The following PEX7 variants were observed in gnomAD, a reference collection of about 807,000 sequenced individuals.
PEX7 encodes PTS2 receptor.
Under a neutral mutation model 47.5 loss-of-function variants are expected in PEX7, and 34 were observed. The ratio of observed to expected loss-of-function variants is 0.72; its 90% confidence interval spans 0.54 to 0.95. The LOEUF is 0.95. Among genes scored for constraint, PEX7 ranks in the 40% least tolerant of loss-of-function variants. The probability of loss-of-function intolerance (pLI) is 0.00; values close to 1 mark genes in which losing one functional copy is unlikely to be tolerated. For missense variants in PEX7, 394 were observed against 400.3 expected (o/e 0.98, Z 0.13); for synonymous variants, 141 against 148.8 (o/e 0.95, Z 0.38).
At chr6:136,858,426 G>T (rs976130506) in intron 5 of PEX7, among the ~76,000 whole-genome samples, 21 of 152,146 alleles carry the variant, frequency 1.4e-4, no homozygotes, top group Non-Finnish European at 1.5e-5. Flanking sequence ...CTAGGTAGAC[G>T]CTGGAAAGCA....
chr6:136,875,734 G>C (rs1394537675), intron 8 of PEX7, among the ~76,000 whole-genome samples: 2 of 152,124 alleles, frequency 1.3e-5, no homozygotes, highest in Non-Finnish European at 2.9e-5. Flanking sequence ...GTCTGAGAAT[G>C]GTATGTTACT....
At chr6:136,874,061 A>G (rs962407690) in intron 8 of PEX7, among the ~76,000 whole-genome samples, 7 of 152,190 alleles carry the variant, frequency 4.6e-5, no homozygotes, top group Non-Finnish European at 7.3e-5. Flanking sequence ...TTCAAAGGTG[A>G]TATTAGTTGC....
chr6:136,877,717 C>T (rs750882814), intron 8 of PEX7, among the ~76,000 whole-genome samples: 6 of 152,144 alleles, frequency 3.9e-5, no homozygotes, highest in Non-Finnish European at 8.8e-5. Context: ...ATTGCTGTAG[C>T]CTTGTAGTAT....
intron 1 of PEX7, among the ~76,000 whole-genome samples, chr6:136,824,295 G>A (rs1368446413): frequency 6.6e-6 from 1 of 151,926 alleles, no homozygotes; most frequent in Non-Finnish European, 1.5e-5. Flanking sequence ...CCACCTCCTG[G>A]GCTCATATGA....
chr6:136,852,148 A>G (rs1199967298), intron 5 of PEX7, among the ~76,000 whole-genome samples: 1 of 149,090 alleles, frequency 6.7e-6, no homozygotes, highest in Admixed American at 6.8e-5. Context: ...TAACGTTTAA[A>G]TCTTTAATCC....
chr6:136,837,811 G>A (rs1015152707), intron 3 of PEX7, among the ~76,000 whole-genome samples: 1 of 118,318 alleles, frequency 8.5e-6, no homozygotes, highest in Non-Finnish European at 1.7e-5. Context: ...GAATTTAAAC[G>A]CCACACACAC....
intron 8 of PEX7, among the ~76,000 whole-genome samples, chr6:136,884,467 C>T (rs1246186250): frequency 6.6e-6 from 1 of 152,150 alleles, no homozygotes; most frequent in Non-Finnish European, 1.5e-5. Context: ...ATATTTGCAA[C>T]ACAAGCTTTT....
At chr6:136,912,332 T>C (rs926750209) in intron 9 of PEX7, among the ~76,000 whole-genome samples, 3 of 152,182 alleles carry the variant, frequency 2.0e-5, no homozygotes, top group Non-Finnish European at 4.4e-5. Flanking sequence ...TTTCCTTTTT[T>C]TTTTTCTGAA....
At chr6:136,868,465 CT>C (rs1441040014) in intron 6 of PEX7, among the ~76,000 whole-genome samples, 1 of 151,846 alleles carries the variant, frequency 6.6e-6, no homozygotes, top group African/African-American at 2.4e-5. Context: ...ATTACTCAAT[CT>C]AAACATTTCA....
At chr6:136,854,600 A>G (rs1296393687) in intron 5 of PEX7, among the ~76,000 whole-genome samples, 1 of 152,182 alleles carries the variant, frequency 6.6e-6, no homozygotes, top group Non-Finnish European at 1.5e-5. Context: ...TTGTAATTTT[A>G]CCGTTGGTGA....
chr6:136,880,674 G>A (rs1435349665), intron 8 of PEX7, among the ~76,000 whole-genome samples: 4 of 152,354 alleles, frequency 2.6e-5, no homozygotes, highest in South Asian at 2.1e-4. Context: ...TACAGTAACA[G>A]TTTTGGATTT....
chr6:136,867,872 AGAAAG>A (rs1428312893), intron 6 of PEX7, among the ~76,000 whole-genome samples: 1 of 152,238 alleles, frequency 6.6e-6, no homozygotes, highest in African/African-American at 2.4e-5. Flanking sequence ...TTATTATTGA[AGAAAG>A]GAAATAAAAA....
chr6:136,860,077 A>G (rs1774930957), intron 5 of PEX7, among the ~76,000 whole-genome samples: 1 of 152,078 alleles, frequency 6.6e-6, no homozygotes, highest in Admixed American at 6.6e-5. Context: ...AATTGATAAG[A>G]GAAGCTGGCA....
chr6:136,903,847 T>C (rs1258673603), intron 9 of PEX7, among the ~76,000 whole-genome samples: 1 of 151,188 alleles, frequency 6.6e-6, no homozygotes, highest in African/African-American at 2.4e-5. Context: ...TTTTTTTTAA[T>C]TTTTTGTAGA....
At chr6:136,872,498 T>C (rs1775201345) in intron 8 of PEX7, among the ~76,000 whole-genome samples, 1 of 152,170 alleles carries the variant, frequency 6.6e-6, no homozygotes. Context: ...TCTTTTCTAA[T>C]AGATGTTCCT....
intron 3 of PEX7, among the ~76,000 whole-genome samples, chr6:136,834,845 G>A (rs1323339692): frequency 6.6e-6 from 1 of 152,178 alleles, no homozygotes; most frequent in African/African-American, 2.4e-5. Context: ...AGTATTAGCT[G>A]TTAGGTAGGA....
intron 5 of PEX7, among the ~76,000 whole-genome samples, chr6:136,864,026 G>C (rs9373174): frequency 6.6e-6 from 1 of 151,900 alleles, no homozygotes; most frequent in Non-Finnish European, 1.5e-5. Flanking sequence ...CAGACTCCTT[G>C]GGTTCTGGTT....
Position 136,900,653 on chromosome 6 carries a change from G to A in PEX7, c.903+2412G>A. 1 of 336,566 alleles carries A rather than the reference G, an allele frequency of 3.0e-6. No homozygotes were observed. The highest frequency in any genetic ancestry group is 2.4e-5 in the South Asian group (1 of 41,312). 20.8% of individuals were successfully genotyped at this position (336,566 alleles called of 1,614,324 possible). ...TCAGGGACCCCCATTTTATGAGACA[G>A]GGCAGGCAGGAAGACAACCAGCTTG... On this transcript the variant is annotated intron_variant, in intron 9 of 9. Transcript: ENST00000318471. This position sits in a 1 kb window ranked among gnomAD's most constrained non-coding sequence, Gnocchi z 4.2.
At chr6:136,892,037 TA>T (rs1477800755) in intron 8 of PEX7, among the ~76,000 whole-genome samples, 1 of 152,158 alleles carries the variant, frequency 6.6e-6, no homozygotes, top group Non-Finnish European at 1.5e-5. Context: ...TCTGAGTGAT[TA>T]TAGAAAGAGA....
Sources: gnomAD v4.1 joint callset for allele counts (sites outside exome capture counted in the v4.1 genomes callset) on GRCh38, gnomAD v4.1.1 for gene constraint, Gnocchi (gnomAD v3.1) non-coding constraint, MANE v1.5 for transcripts, NCBI Gene and HGNC (gene_info 2026-07-23, HGNC 2026-07-21) for gene names.